The following TRAPPC10 variants were observed in gnomAD, a reference collection of about 807,000 sequenced individuals.
The protein encoded by TRAPPC10 is trafficking protein particle complex subunit 10, also known as TRAPP 130 kDa subunit.
Under a neutral mutation model 125.5 loss-of-function variants are expected in TRAPPC10, and 23 were observed. The ratio of observed to expected loss-of-function variants is 0.18; its 90% CI spans 0.13 to 0.26. The LOEUF (loss-of-function observed/expected upper bound fraction) is 0.26. Among genes scored for constraint, TRAPPC10 ranks in the 10% least tolerant of loss-of-function variants. The pLI is 1.00. For missense variants in TRAPPC10, 1,123 were observed against 1,308.4 expected (o/e 0.86, Z 2.19); for synonymous variants, 509 against 518.0 (o/e 0.98, Z 0.24).
At chr21:44,061,123 TTTTAA>T (rs1263418203) in intron 6 of TRAPPC10, among the ~76,000 whole-genome samples, 6 of 151,548 alleles carry the variant, frequency 4.0e-5, no homozygotes, top group Non-Finnish European at 1.5e-5. Context: ...TTTATTTTAA[TTTTAA>T]TTTAATTTAA....
intron 3 of TRAPPC10, among the ~76,000 whole-genome samples, chr21:44,051,475 C>T (rs1345212476): frequency 2.0e-5 from 3 of 152,088 alleles, no homozygotes; most frequent in Non-Finnish European, 2.9e-5. Context: ...GGAATAGAAG[C>T]GCAGTTATAA....
At chr21:44,025,819 GGGGTGTGTGT>G (rs1156898305) in intron 1 of TRAPPC10, among the ~76,000 whole-genome samples, 48 of 132,200 alleles carry the variant, frequency 3.6e-4, no homozygotes, top group African/African-American at 1.2e-3. Flanking sequence ...GCAGAGGGCA[GGGGTGTGTGT>G]GTGTGTGTGT....
rs189410187 is a variant in TRAPPC10, at chr21:44,028,369, C to T, written c.68-3722C>T. On this transcript the variant is annotated intron_variant, in intron 1 of 22. Coordinates refer to ENST00000291574, the MANE Select transcript of TRAPPC10 (RefSeq NM_003274.5). ...TTCCTCAGCCTGGGGGCCCATCCAG[C>T]GGCTCCAGGCGGCACCCTAGAAAGA... Among the ~76,000 whole-genome samples, 4 of 152,278 alleles carry T rather than the reference C, an allele frequency of 2.6e-5. No individual in the cohort carries two copies. The East Asian group carries it at 5.8e-4, about 22-fold the overall frequency.
At chr21:44,081,005 C>CTTTTTTTTTTCTTTTTT (rs2037673502) in intron 13 of TRAPPC10, among the ~76,000 whole-genome samples, 1 of 103,870 alleles carries the variant, frequency 9.6e-6, no homozygotes, top group African/African-American at 3.2e-5. Flanking sequence ...TATTATTGTT[C>CTTTTTTTTTTCTTTTTT]TTTTTTTTTT....
chr21:44,070,547 G>A (rs2036787040), intron 7 of TRAPPC10, among the ~76,000 whole-genome samples: 1 of 152,176 alleles, frequency 6.6e-6, no homozygotes, highest in Non-Finnish European at 1.5e-5. Context: ...TGGCATGCTG[G>A]GTGGCAGATG....
Position 44,063,522 on chromosome 21 carries a change from A to T in TRAPPC10, c.791-16A>T, listed in dbSNP as rs1446497295. On this transcript the variant is annotated splice_polypyrimidine_tract_variant and intron_variant, in intron 6 of 22. Coordinates refer to ENST00000291574, the MANE Select transcript of TRAPPC10 (RefSeq NM_003274.5). The surrounding 1 kb of genome is among the most constrained non-coding windows in gnomAD (Gnocchi z 4.4). ...GTACCTGCAATCAGCACCTTTCATG[A>T]TGTGTGTTTGTTTAGATGGTGCCAA... The T allele has an allele frequency of 1.9e-6, 3 of 1,613,034 alleles. No homozygotes were observed. The South Asian group carries it at 3.3e-5, about 18-fold the overall frequency.
chr21:44,017,558 T>A (rs953410073), intron 1 of TRAPPC10, among the ~76,000 whole-genome samples: 3 of 152,072 alleles, frequency 2.0e-5, no homozygotes, highest in Non-Finnish European at 2.9e-5. Context: ...TTCCAGTAAT[T>A]TATTAAATAT....
At chr21:44,039,518 C>T (rs1298461169) in intron 3 of TRAPPC10, among the ~76,000 whole-genome samples, 1 of 152,188 alleles carries the variant, frequency 6.6e-6, no homozygotes, top group South Asian at 2.1e-4. Flanking sequence ...GCCATGGTGG[C>T]GTTGCTGCCT....
At chr21:44,018,622 C>T (rs2032140291) in intron 1 of TRAPPC10, among the ~76,000 whole-genome samples, 1 of 150,948 alleles carries the variant, frequency 6.6e-6, no homozygotes, top group Non-Finnish European at 1.5e-5. Context: ...TTGCTTGAAT[C>T]TGGGAGGCGG....
chr21:44,076,430 C>G (rs185236328), intron 9 of TRAPPC10, 122 bp from the exon 10 acceptor site: 1 of 696,286 alleles, frequency 1.4e-6, no homozygotes, highest in Admixed American at 2.5e-5. Context: ...TGGCATTGGC[C>G]GGTTTGTAAT....
At chr21:44,073,122 T>C (rs2037007055) in intron 7 of TRAPPC10, among the ~76,000 whole-genome samples, 1 of 151,826 alleles carries the variant, frequency 6.6e-6, no homozygotes, top group Admixed American at 6.6e-5. Context: ...CCTACACTGA[T>C]TTTTTTTTCC....
At chr21:44,019,170 C>T (rs1451814519) in intron 1 of TRAPPC10, among the ~76,000 whole-genome samples, 1 of 152,142 alleles carries the variant, frequency 6.6e-6, no homozygotes, top group African/African-American at 2.4e-5. Context: ...GATTCTCCCA[C>T]CTCAATCTCC....
intron 3 of TRAPPC10, among the ~76,000 whole-genome samples, chr21:44,040,169 A>G (rs1238691139): frequency 6.6e-6 from 1 of 152,120 alleles, no homozygotes; most frequent in Admixed American, 6.5e-5. Context: ...TTAGTCTTGC[A>G]TGTTTAATTG....
chr21:44,084,962 C>T (rs564404881), intron 15 of TRAPPC10, among the ~76,000 whole-genome samples: 1 of 152,332 alleles, frequency 6.6e-6, no homozygotes, highest in East Asian at 1.9e-4. Context: ...TGGGCGCCAC[C>T]CTCCAGGAAC....
In TRAPPC10 at chr21:44,082,211, A is replaced by G. The variant is rs1459306173; in HGVS notation, c.1724-577A>G. The stretch of plus-strand genomic sequence containing the variant: ...TTTTCTAGACAAAACCAAGGTACTT[A>G]CAGTTCGGTCAGAGAGAGAAGGGCC... On this transcript the variant is annotated intron_variant, in intron 13 of 22. Transcript: ENST00000291574. This position sits in a 1 kb window ranked among gnomAD's most constrained non-coding sequence, Gnocchi z 4.4. 2.6e-5 allele frequency among the ~76,000 whole-genome samples: 4 copies of G among 152,238 alleles called. No homozygotes were observed. The highest frequency in any genetic ancestry group is 9.6e-5 in the African/African-American group (4 of 41,462).
chr21:44,070,099 G>T (rs1428781989), intron 7 of TRAPPC10, among the ~76,000 whole-genome samples: 1 of 152,130 alleles, frequency 6.6e-6, no homozygotes, highest in Non-Finnish European at 1.5e-5. Context: ...CTGGTGACTG[G>T]CAGGGAGTTC....
chr21:44,029,720 A>G (rs1054883082), intron 1 of TRAPPC10, among the ~76,000 whole-genome samples: 2 of 152,196 alleles, frequency 1.3e-5, no homozygotes, highest in Non-Finnish European at 2.9e-5. Flanking sequence ...TTGTGTCCTC[A>G]TGGGGCCTTC....
intron 17 of TRAPPC10, chr21:44,089,242 G>T (rs971471156): frequency 9.1e-6 from 3 of 328,354 alleles, no homozygotes; most frequent in Non-Finnish European, 1.2e-5. Flanking sequence ...CGGCACGCAC[G>T]CTGTGTGCTG....
At chr21:44,051,114 A>G (rs9978130) in intron 3 of TRAPPC10, among the ~76,000 whole-genome samples, 53,758 of 152,032 alleles carry the variant, frequency 0.35, 12,862 homozygotes, top group African/African-American at 0.68. Flanking sequence ...ATGTTGCCCA[A>G]GCTGGTCTTG....
Sources: gnomAD v4.1 joint callset for allele counts (sites outside exome capture counted in the v4.1 genomes callset) on GRCh38, gnomAD v4.1.1 for gene constraint, Gnocchi (gnomAD v3.1) non-coding constraint, MANE v1.5 for transcripts, NCBI Gene and HGNC (gene_info 2026-07-23, HGNC 2026-07-21) for gene names.